Variants in ADGRG2 observed in about 807,000 individuals in gnomAD.
The protein encoded by ADGRG2 is G protein-coupled receptor 64.
ADGRG2 carries 26 observed loss-of-function variants against 74.1 expected under a neutral mutation model. The ratio of observed to expected loss-of-function variants is 0.35; its 90% CI spans 0.26 to 0.49. The LOEUF (loss-of-function observed/expected upper bound fraction) is 0.49. Among genes scored for constraint, ADGRG2 ranks in the 20% least tolerant of loss-of-function variants. The probability of loss-of-function intolerance (pLI) is 0.99; values close to 1 mark genes in which losing one functional copy is unlikely to be tolerated. For missense variants in ADGRG2, 619 were observed against 763.1 expected (o/e 0.81, Z 2.22); for synonymous variants, 296 against 295.2 (o/e 1.00, Z -0.03).
chrX:18,998,642 G>C (rs1365351500), intron 26 of ADGRG2, among the ~76,000 whole-genome samples: 1 of 100,502 alleles, frequency 1.0e-5, no homozygotes, highest in Non-Finnish European at 2.0e-5. Flanking sequence ...GAAGGTTGTG[G>C]CAGCCCTGCG....
chrX:19,034,994 G>A (rs1342578676), intron 7 of ADGRG2: 1 of 111,896 alleles, frequency 8.9e-6, no homozygotes, highest in Non-Finnish European at 1.9e-5. Context: ...CCTTTTCAGA[G>A]CAAACAAAAT....
At chrX:19,075,845 A>T (rs1267654138) in intron 2 of ADGRG2, among the ~76,000 whole-genome samples, 1 of 111,310 alleles carries the variant, frequency 9.0e-6, no homozygotes, top group Non-Finnish European at 1.9e-5. Flanking sequence ...AGAAACTGTG[A>T]TGTTGTTCCC....
chrX:19,077,334 TA>T (rs34976230), intron 2 of ADGRG2, among the ~76,000 whole-genome samples: 1,760 of 38,590 alleles, frequency 0.046, 109 homozygotes, highest in African/African-American at 0.2. Context: ...CTGTCTCTAC[TA>T]AAAAAAAAAA....
At position 19,004,768 on chromosome X, in the gene ADGRG2, T is replaced by C. The variant is rs1340757446; in HGVS notation, c.1951A>G (p.Ile651Val). ...IFLSVTLVTY[I>V]AFEKIRRDYP... ...GTTGTGGATACTCACTCAAAAGCTA[T>C]GTAGGTTACAAGAGTCACTGACAGA... Residue 651 changes from isoleucine (I) to valine (V), a missense_variant, in exon 23 of 29, where the codon ATA (isoleucine) becomes GTA (valine). Physicochemically the swap from Ile to Val is conservative, Grantham distance 29 (BLOSUM62 3). Coordinates refer to ENST00000379869, the MANE Select transcript of ADGRG2 (RefSeq NM_001079858.3). 8.3e-7 allele frequency: 1 copy of C among 1,209,865 alleles called. No individual in the cohort carries two copies. The highest frequency in any genetic ancestry group is 1.1e-6 in the Non-Finnish European group (1 of 894,165).
chrX:19,055,849 T>A (rs1044489410), intron 3 of ADGRG2, among the ~76,000 whole-genome samples: 2 of 109,169 alleles, frequency 1.8e-5, no homozygotes, highest in African/African-American at 6.7e-5. Context: ...TTCTCCTGCC[T>A]CAGTCTCCCA....
chrX:19,048,674 C>T (rs1052156835), intron 3 of ADGRG2, among the ~76,000 whole-genome samples: 3 of 111,913 alleles, frequency 2.7e-5, no homozygotes, highest in South Asian at 7.5e-4. Flanking sequence ...GATCATTCCC[C>T]GCCCTTCCCA....
intron 2 of ADGRG2, among the ~76,000 whole-genome samples, chrX:19,079,996 C>T (rs1439598863): frequency 2.8e-5 from 3 of 108,331 alleles, no homozygotes; most frequent in Admixed American, 9.9e-5. Context: ...CCGCAACCTC[C>T]ACCTCCCGGT....
chrX:19,001,066 T>C (rs1011928270), intron 24 of ADGRG2, among the ~76,000 whole-genome samples: 10 of 111,308 alleles, frequency 9.0e-5, no homozygotes, highest in African/African-American at 3.3e-4. Flanking sequence ...GTCTGGAATG[T>C]ATATTTAAGA....
Position 19,023,894 on chromosome X carries a change from G to T in ADGRG2, c.510+15C>A. 8.9e-7 allele frequency: 1 copy of T among 1,127,670 alleles called. No individual in the cohort carries two copies. The highest frequency in any genetic ancestry group is 1.2e-6 in the Non-Finnish European group (1 of 819,179). The allele number at this position is 1,127,670 out of a possible 1,213,427, so 92.9% of individuals were successfully genotyped here. A position where few individuals can be genotyped will look rare whatever the true frequency, so the allele number is the denominator to read the frequency against. On this transcript the variant is annotated intron_variant, in intron 12 of 28. Transcript: ENST00000379869. ...ACAATAATTATAAACAAGCTACAGGGTGCACTATGATTACCTCACTTAGGG... is the reference window on the plus strand; with the variant it reads ...ACAATAATTATAAACAAGCTACAGGTTGCACTATGATTACCTCACTTAGGG...
In ADGRG2 at chrX:18,990,662, C is replaced by A; in HGVS notation, c.*202G>T. 3.3e-6 allele frequency: 1 copy of A among 298,534 alleles called. No individual in the cohort carries two copies. Among genetic ancestry groups the A allele is most frequent in the Non-Finnish European group, 5.8e-6 (1 of 171,592 alleles). The allele number at this position is 298,534 out of a possible 1,213,427, so 24.6% of individuals were successfully genotyped here. Reference sequence around the variant, plus strand: ...TCTTATAAAATGAAAGATAAGAAACCAAATCAGAAATGTCTAAAAACCATG... The same window carrying A: ...TCTTATAAAATGAAAGATAAGAAACAAAATCAGAAATGTCTAAAAACCATG... On this transcript the variant is annotated 3_prime_UTR_variant, in exon 29 of 29. Transcript: ENST00000379869.
chrX:19,049,282 T>A (rs149395726), intron 3 of ADGRG2, among the ~76,000 whole-genome samples: 3 of 111,788 alleles, frequency 2.7e-5, no homozygotes, highest in Admixed American at 9.5e-5. Context: ...CATCTCTTTA[T>A]GCACAGGCTC....
intron 12 of ADGRG2, 148 bp from the exon 13 acceptor site, chrX:19,023,601 G>A (rs1390115278): frequency 3.5e-5 from 15 of 431,764 alleles, no homozygotes; most frequent in Middle Eastern, 4.1e-4. Flanking sequence ...CCAGATTCCC[G>A]GCATATCATC....
intron 4 of ADGRG2, 116 bp from the exon 5 acceptor site, chrX:19,037,752 C>T (rs2060972292): frequency 6.1e-6 from 3 of 491,459 alleles, no homozygotes; most frequent in African/African-American, 2.4e-5. Flanking sequence ...ACTAGCAGAC[C>T]AAGTTGTAGT....
chrX:19,113,514 A>C (rs1273034228), intron 1 of ADGRG2, among the ~76,000 whole-genome samples: 1 of 112,206 alleles, frequency 8.9e-6, no homozygotes. Flanking sequence ...GAGATTGATA[A>C]CAGCGCTGTG....
intron 1 of ADGRG2, among the ~76,000 whole-genome samples, chrX:19,096,347 G>C (rs1233128989): frequency 3.7e-5 from 4 of 107,904 alleles, no homozygotes; most frequent in Non-Finnish European, 7.7e-5. Context: ...AGGAGGTGGA[G>C]GCTGCAGTGA....
At chrX:19,086,489 A>G (rs1209397020) in intron 1 of ADGRG2, among the ~76,000 whole-genome samples, 1 of 111,302 alleles carries the variant, frequency 9.0e-6, no homozygotes, top group East Asian at 2.8e-4. Flanking sequence ...AAAAAAATAA[A>G]TTTTAAAAAA....
intron 1 of ADGRG2, among the ~76,000 whole-genome samples, chrX:19,118,053 C>T (rs756778975): frequency 1.1e-4 from 12 of 111,373 alleles, no homozygotes; most frequent in African/African-American, 3.9e-4. Flanking sequence ...TTAAGGTAGC[C>T]ACCAGAACCC....
intron 1 of ADGRG2, among the ~76,000 whole-genome samples, chrX:19,088,288 T>A (rs1229671306): frequency 1.8e-5 from 2 of 112,013 alleles, no homozygotes; most frequent in Non-Finnish European, 3.8e-5. Flanking sequence ...GAGTGAGCTT[T>A]CTTCCATTAA....
intron 3 of ADGRG2, among the ~76,000 whole-genome samples, chrX:19,066,362 TG>T (rs2061567814): frequency 9.1e-6 from 1 of 110,073 alleles, no homozygotes; most frequent in South Asian, 3.9e-4. Context: ...CACCCACTTC[TG>T]AATAAGAAAG....
Sources: allele counts gnomAD v4.1 joint callset (sites outside exome capture counted in the v4.1 genomes callset), GRCh38; gene constraint gnomAD v4.1.1; transcripts MANE v1.5; gene names NCBI Gene and HGNC (gene_info 2026-07-23, HGNC 2026-07-21).